The following AKAP13 variants were observed in gnomAD, a reference collection of about 807,000 sequenced individuals.
AKAP13 encodes the protein A-kinase anchor protein 13.
Under a neutral mutation model 264.5 loss-of-function variants are expected in AKAP13, and 80 were observed. The observed-to-expected ratio is 0.30, with a 90% CI of 0.25 to 0.36. AKAP13 has a LOEUF of 0.36. AKAP13 is among the 10% of genes least tolerant of loss of function. AKAP13 has a pLI of 1.00. For synonymous variants in AKAP13, 1,380 were observed against 1,250.2 expected (o/e 1.10, Z -2.19); for missense variants, 3,712 against 3,435.2 (o/e 1.08, Z -2.01).
At chr15:85,542,089 G>A (rs1479054861) in intron 4 of AKAP13, among the ~76,000 whole-genome samples, 1 of 152,196 alleles carries the variant, frequency 6.6e-6, no homozygotes, top group East Asian at 1.9e-4. Flanking sequence ...TTAGCTCTTT[G>A]TTCTTGATAA....
chr15:85,580,979 G>T lies in AKAP13; in HGVS notation c.2911G>T (p.Asp971Tyr). The T allele has an allele frequency of 6.2e-7, 1 of 1,614,084 alleles. No homozygotes were observed. The highest frequency in any genetic ancestry group is 1.1e-5 in the South Asian group (1 of 91,062). ...QQFHEKSISA[D>Y]CAKDKALQLS... Reference sequence around the variant, plus strand: ...ATTTCATGAAAAATCAATCTCAGCTGACTGTGCCAAGGACAAAGCACTTCA... The same window carrying T: ...ATTTCATGAAAAATCAATCTCAGCTTACTGTGCCAAGGACAAAGCACTTCA... Residue 971 changes from aspartate (D) to tyrosine (Y), a missense_variant, in exon 7 of 37, where the codon GAC (aspartate) becomes TAC (tyrosine). Around this residue, in one of 3 missense-constraint regions of AKAP13, gnomAD observed 2,759 missense variants for 2,411.7 expected, o/e 1.14. Coordinates refer to ENST00000394518, the MANE Select transcript of AKAP13 (RefSeq NM_007200.5).
intron 3 of AKAP13, among the ~76,000 whole-genome samples, chr15:85,524,891 G>GTGTGTC (rs1555439475): frequency 6.6e-6 from 1 of 151,294 alleles, no homozygotes; most frequent in African/African-American, 2.4e-5. Context: ...GTGTGTGTGT[G>GTGTGTC]TGTGTGTGTG....
At chr15:85,715,072 A>G (rs1050092013) in intron 19 of AKAP13, among the ~76,000 whole-genome samples, 7 of 152,216 alleles carry the variant, frequency 4.6e-5, no homozygotes, top group Non-Finnish European at 1.0e-4. Context: ...CCCAGAGGTA[A>G]CCACTCTTCT....
chr15:85,402,299 C>G (rs530472409), intron 1 of AKAP13, among the ~76,000 whole-genome samples: 1 of 152,310 alleles, frequency 6.6e-6, no homozygotes, highest in South Asian at 2.1e-4. Context: ...TTCGAAGACA[C>G]TTCCATGGCC....
chr15:85,543,741 C>G lies in AKAP13; in HGVS notation c.479-31C>G, dbSNP rs1483803906. The G allele has an allele frequency of 8.9e-6, 14 of 1,567,258 alleles. No individual in the cohort carries two copies. In the East Asian group the frequency reaches 3.2e-4, roughly 35 times the overall value. On this transcript the variant is annotated intron_variant, in intron 4 of 36. Transcript: ENST00000394518. The stretch of plus-strand genomic sequence containing the variant: ...TTGTTTTTTGTTTTTATATTTTCCT[C>G]ACTTACGTTCATTTTCTCCCCCATT...
At chr15:85,502,326 G>A (rs1376942247) in intron 2 of AKAP13, among the ~76,000 whole-genome samples, 1 of 152,176 alleles carries the variant, frequency 6.6e-6, no homozygotes, top group Non-Finnish European at 1.5e-5. Context: ...GATTTAGAAA[G>A]TGACAGCAAT....
At chr15:85,603,763 C>T (rs868866862) in intron 8 of AKAP13, among the ~76,000 whole-genome samples, 17 of 152,284 alleles carry the variant, frequency 1.1e-4, no homozygotes, top group Middle Eastern at 3.4e-3. Context: ...GGTACCCTTT[C>T]CTTCTTTAAA....
At chr15:85,602,966 A>G (rs2080158774) in intron 8 of AKAP13, among the ~76,000 whole-genome samples, 1 of 152,232 alleles carries the variant, frequency 6.6e-6, no homozygotes, top group South Asian at 2.1e-4. Flanking sequence ...AAATGTCTTT[A>G]AGTATTTGTT....
At chr15:85,703,968 A>G (rs918235000) in intron 17 of AKAP13, among the ~76,000 whole-genome samples, 1 of 152,074 alleles carries the variant, frequency 6.6e-6, no homozygotes, top group Non-Finnish European at 1.5e-5. Context: ...ATTTTGTAGC[A>G]TGCATTTCTA....
At chr15:85,417,849 A>G (rs1218071634) in intron 1 of AKAP13, among the ~76,000 whole-genome samples, 1 of 152,148 alleles carries the variant, frequency 6.6e-6, no homozygotes, top group Non-Finnish European at 1.5e-5. Flanking sequence ...AATTGAACCT[A>G]GATTTGTCTG....
chr15:85,674,232 A>G (rs2084091438), intron 14 of AKAP13, among the ~76,000 whole-genome samples: 1 of 152,156 alleles, frequency 6.6e-6, no homozygotes, highest in African/African-American at 2.4e-5. Flanking sequence ...GAAAGTCTGA[A>G]ATTTCTCAAA....
chr15:85,629,060 G>A (rs1406120624), intron 8 of AKAP13, among the ~76,000 whole-genome samples: 1 of 152,092 alleles, frequency 6.6e-6, no homozygotes, highest in Non-Finnish European at 1.5e-5. Context: ...AACTGGGCAT[G>A]GTGGCACATG....
intron 1 of AKAP13, among the ~76,000 whole-genome samples, chr15:85,454,997 G>C (rs935296010): frequency 2.0e-5 from 3 of 152,132 alleles, no homozygotes; most frequent in Admixed American, 6.5e-5. Context: ...CTTGTCTTCT[G>C]TGAGTTCATT....
At chr15:85,583,563 T>C (rs1265898157) in intron 7 of AKAP13, among the ~76,000 whole-genome samples, 2 of 152,224 alleles carry the variant, frequency 1.3e-5, no homozygotes, top group African/African-American at 4.8e-5. Context: ...CCTGGCAGGT[T>C]GGCATTTCAG....
intron 8 of AKAP13, among the ~76,000 whole-genome samples, chr15:85,601,471 A>G (rs2080067142): frequency 3.3e-5 from 5 of 152,200 alleles, no homozygotes; most frequent in Admixed American, 3.3e-4. Flanking sequence ...GTTAAGTTAG[A>G]AAGCTCTCAC....
chr15:85,605,945 A>G (rs1178591510), intron 8 of AKAP13, among the ~76,000 whole-genome samples: 1 of 152,176 alleles, frequency 6.6e-6, no homozygotes, highest in Non-Finnish European at 1.5e-5. Context: ...TGTATTTATA[A>G]GGTCTAACTA....
At chr15:85,476,987 A>C (rs1333563281) in intron 1 of AKAP13, among the ~76,000 whole-genome samples, 1 of 152,086 alleles carries the variant, frequency 6.6e-6, no homozygotes, top group Non-Finnish European at 1.5e-5. Context: ...GGAGGTTGGA[A>C]GCTCTAGGAA....
chr15:85,587,738 C>G (rs2079419235), intron 8 of AKAP13, among the ~76,000 whole-genome samples: 1 of 152,172 alleles, frequency 6.6e-6, no homozygotes, highest in African/African-American at 2.4e-5. Flanking sequence ...CCTCCACCTC[C>G]TGGGTTGAAG....
chr15:85,719,405 C>T (rs2087141380), intron 23 of AKAP13, 79 bp downstream of exon 23: 2 of 1,524,238 alleles, frequency 1.3e-6, no homozygotes, highest in Non-Finnish European at 8.9e-7. Context: ...CATGCATTCA[C>T]ATCTTCTTTC....
Sources: gnomAD v4.1 joint callset for allele counts (sites outside exome capture counted in the v4.1 genomes callset) on GRCh38, gnomAD v4.1.1 for gene constraint, gnomAD v4.1.1 regional missense constraint, MANE v1.5 for transcripts, NCBI Gene and HGNC (gene_info 2026-07-23, HGNC 2026-07-21) for gene names.